Variants in EPHB1 observed in about 807,000 individuals in gnomAD.
EPHB1 encodes the protein ephrin type-B receptor 1.
In EPHB1, 30 loss-of-function variants were observed where a neutral mutation model predicts 94.4. That is an observed-to-expected ratio of 0.32 (90% CI 0.24 to 0.43). The LOEUF is 0.43. EPHB1 is among the 20% of genes least tolerant of loss of function. The probability of loss-of-function intolerance (pLI) is 1.00; values close to 1 mark genes in which losing one functional copy is unlikely to be tolerated. For synonymous variants in EPHB1, 522 were observed against 489.1 expected (o/e 1.07, Z -0.89); for missense variants, 1,055 against 1,308.3 (o/e 0.81, Z 2.99).
At chr3:135,000,952 A>G (rs1935152149) in intron 3 of EPHB1, among the ~76,000 whole-genome samples, 1 of 152,040 alleles carries the variant, frequency 6.6e-6, no homozygotes, top group Non-Finnish European at 1.5e-5. Context: ...TTTTCTTTTC[A>G]TAGACTTTTG....
chr3:135,054,486 C>T (rs1279773146), intron 3 of EPHB1, among the ~76,000 whole-genome samples: 1 of 152,194 alleles, frequency 6.6e-6, no homozygotes, highest in African/African-American at 2.4e-5. Flanking sequence ...CGTCTCACTT[C>T]ACTCTGCCCT....
At chr3:135,211,081 A>C (rs1943021964) in intron 12 of EPHB1, among the ~76,000 whole-genome samples, 1 of 152,228 alleles carries the variant, frequency 6.6e-6, no homozygotes, top group African/African-American at 2.4e-5. Context: ...TTACTCTAGA[A>C]CTAACATAAT....
chr3:134,872,233 A>G (rs1017727467), intron 1 of EPHB1, among the ~76,000 whole-genome samples: 3 of 152,190 alleles, frequency 2.0e-5, no homozygotes, highest in African/African-American at 7.2e-5. Context: ...GAGGAAGCTG[A>G]TACTGTGTCT....
chr3:134,962,024 A>C (rs547122502), intron 3 of EPHB1, among the ~76,000 whole-genome samples: 1 of 152,338 alleles, frequency 6.6e-6, no homozygotes, highest in Non-Finnish European at 1.5e-5. Flanking sequence ...AGAATATATA[A>C]ATTTTTAATT....
chr3:134,997,462 A>G (rs762636341), intron 3 of EPHB1, among the ~76,000 whole-genome samples: 3 of 151,984 alleles, frequency 2.0e-5, no homozygotes, highest in Non-Finnish European at 4.4e-5. Context: ...GGTACATTCT[A>G]TTTTAGGAAT....
intron 11 of EPHB1, among the ~76,000 whole-genome samples, chr3:135,193,436 T>C (rs1423363439): frequency 3.3e-5 from 5 of 152,186 alleles, no homozygotes; most frequent in Non-Finnish European, 5.9e-5. Flanking sequence ...TGTCAGAATA[T>C]GCCCAAAGTA....
intron 12 of EPHB1, among the ~76,000 whole-genome samples, chr3:135,209,545 A>G (rs1942982811): frequency 6.6e-6 from 1 of 152,248 alleles, no homozygotes; most frequent in African/African-American, 2.4e-5. Context: ...AAACTGAGGT[A>G]CATTCTATTG....
At chr3:135,243,636 G>A (rs1013256953) in intron 13 of EPHB1, among the ~76,000 whole-genome samples, 3 of 152,100 alleles carry the variant, frequency 2.0e-5, no homozygotes, top group Admixed American at 6.5e-5. Flanking sequence ...CCCAGCTGCC[G>A]GGCTGAAGCC....
At chr3:135,251,069 A>T (rs1210909151) in intron 15 of EPHB1, among the ~76,000 whole-genome samples, 1 of 150,890 alleles carries the variant, frequency 6.6e-6, no homozygotes, top group East Asian at 1.9e-4. Flanking sequence ...TTTTTTCAGA[A>T]ATGATGGAGC....
At chr3:134,958,526 C>T (rs1237210782) in intron 3 of EPHB1, among the ~76,000 whole-genome samples, 1 of 151,952 alleles carries the variant, frequency 6.6e-6, no homozygotes, top group Admixed American at 6.6e-5. Flanking sequence ...CAGCTATTGG[C>T]TGGTGAGAGG....
intron 3 of EPHB1, chr3:134,978,059 A>G (rs532267326): frequency 2.3e-6 from 1 of 443,290 alleles, no homozygotes; most frequent in South Asian, 1.6e-5. Context: ...CTCTGCATCC[A>G]CCCCCTCTGA....
chr3:134,855,376 G>T (rs2037090040), intron 1 of EPHB1, among the ~76,000 whole-genome samples: 1 of 152,182 alleles, frequency 6.6e-6, no homozygotes, highest in Non-Finnish European at 1.5e-5. Flanking sequence ...GGCTGCCTCT[G>T]GTCCTTGAGG....
intron 1 of EPHB1, among the ~76,000 whole-genome samples, chr3:134,897,170 G>A (rs1278364259): frequency 1.3e-5 from 2 of 152,218 alleles, no homozygotes; most frequent in Non-Finnish European, 2.9e-5. Context: ...TATCTTCTTG[G>A]TCAGCACATC....
At chr3:135,212,524 T>G (rs1943054448) in intron 12 of EPHB1, among the ~76,000 whole-genome samples, 1 of 152,214 alleles carries the variant, frequency 6.6e-6, no homozygotes, top group Admixed American at 6.5e-5. Flanking sequence ...CTCTTTATGG[T>G]TTTCAATCCG....
chr3:135,225,963 A>T (rs1350346172), intron 12 of EPHB1, among the ~76,000 whole-genome samples: 1 of 152,226 alleles, frequency 6.6e-6, no homozygotes, highest in Non-Finnish European at 1.5e-5. Context: ...ATGGAAAGTA[A>T]ATCTTAAAGT....
In EPHB1 at chr3:135,259,807, T is replaced by TG. The variant is rs1009671317; in HGVS notation, c.*691dup. The TG allele has an allele frequency of 2.3e-4, 49 of 210,076 alleles. No individual in the cohort carries two copies. The highest frequency in any genetic ancestry group is 8.3e-4 in the South Asian group (4 of 4,836). 13.0% of individuals were successfully genotyped at this position (210,076 alleles called of 1,614,324 possible). The stretch of plus-strand genomic sequence containing the variant: ...CAAAAAGGAAAAAGAAACCACAAAT[T>TG]GGGGAAAAAAAAAGAAGAAAAACCT... On this transcript the variant is annotated 3_prime_UTR_variant, in exon 16 of 16. Coordinates refer to ENST00000398015, the MANE Select transcript of EPHB1 (RefSeq NM_004441.5).
In EPHB1 at chr3:135,179,888, C is replaced by T. The variant is rs1436096256; in HGVS notation, c.1788C>T (p.Asp596=). ...RGSPGMKIYI[D]PFTYEDPNEA... ...CCCCAGGGATGAAGATCTACATTGA[C>T]CCCTTCACTTACGAGGATCCCAACG... The change falls in exon 10 of 16, where the codon GAC becomes GAT. Residue 596 remains aspartate, a synonymous_variant. Coordinates refer to ENST00000398015, the MANE Select transcript of EPHB1 (RefSeq NM_004441.5). The T allele has an allele frequency of 1.2e-6, 2 of 1,613,916 alleles. No homozygotes were observed. Among genetic ancestry groups the T allele is most frequent in the Admixed American group, 1.7e-5 (1 of 60,028 alleles).
chr3:134,848,418 A>G (rs977263721), intron 1 of EPHB1, among the ~76,000 whole-genome samples: 1 of 152,232 alleles, frequency 6.6e-6, no homozygotes. Flanking sequence ...GAAAATAGAA[A>G]TTGTAGCACA....
chr3:134,893,057 C>T lies in EPHB1; in HGVS notation c.59-32759C>T, dbSNP rs193090281. ...AGCCAAATATAATGAAAAATCTCCT[C>T]ATCCATCTGAGAACCAATTCAGTTA... On this transcript the variant is annotated intron_variant, in intron 1 of 15. Transcript: ENST00000398015. Among the ~76,000 whole-genome samples the T allele has an allele frequency of 3.2e-4, 49 of 152,264 alleles. 1 individual carries two copies. Among genetic ancestry groups the T allele is most frequent in the African/African-American group, 1.1e-3 (47 of 41,534 alleles).
Sources: gnomAD v4.1 joint callset for allele counts (sites outside exome capture counted in the v4.1 genomes callset) on GRCh38, gnomAD v4.1.1 for gene constraint, MANE v1.5 for transcripts, NCBI Gene and HGNC (gene_info 2026-07-23, HGNC 2026-07-21) for gene names.